Variants in AGAP1 observed in about 807,000 individuals in gnomAD.
AGAP1 encodes the protein arf-GAP with GTPase, ANK repeat and PH domain-containing protein 1.
AGAP1 carries 29 observed loss-of-function variants against 105.3 expected under a neutral mutation model. That is an observed-to-expected ratio of 0.28 (90% CI 0.21 to 0.38). The LOEUF (loss-of-function observed/expected upper bound fraction) is 0.38, where lower values mean the gene tolerates loss of function less well. Ranked by LOEUF, AGAP1 falls within the 10% of genes least tolerant of loss-of-function variation. The pLI is 1.00. For synonymous variants in AGAP1, 509 were observed against 485.9 expected (o/e 1.05, Z -0.63); for missense variants, 998 against 1,165.1 (o/e 0.86, Z 2.09).
intron 9 of AGAP1, among the ~76,000 whole-genome samples, chr2:235,823,986 A>G (rs909784535): frequency 6.6e-5 from 10 of 152,214 alleles, no homozygotes; most frequent in African/African-American, 2.2e-4. Context: ...AGAGGCAAAG[A>G]TAAGATTCAA....
chr2:235,686,609 G>A (rs1240917353), intron 1 of AGAP1, among the ~76,000 whole-genome samples: 1 of 89,678 alleles, frequency 1.1e-5, no homozygotes, highest in Non-Finnish European at 2.1e-5. Context: ...ATATATATAC[G>A]TGGAGATATA....
Position 235,607,498 on chromosome 2 carries a change from AGGAGCCCGTTGGCCTGGGT to A in AGAP1, c.164-101660_164-101642del, listed in dbSNP as rs984413935. The stretch of plus-strand genomic sequence containing the variant: ...TGTTCTGACTTCAGGCGGCCTTGCC[AGGAGCCCGTTGGCCTGGGT>A]GGAGCCCGTTGGCCTGGGTGTCCAC... On this transcript the variant is annotated intron_variant, in intron 1 of 17. Coordinates refer to ENST00000304032, the MANE Select transcript of AGAP1 (RefSeq NM_001037131.3). 1.1e-4 allele frequency among the ~76,000 whole-genome samples: 16 copies of A among 152,374 alleles called. 1 individual carries two copies. The highest frequency in any genetic ancestry group is 2.6e-4 in the Admixed American group (4 of 15,306).
At chr2:235,985,812 C>G (rs558712387) in intron 13 of AGAP1, among the ~76,000 whole-genome samples, 293 of 152,246 alleles carry the variant, frequency 1.9e-3, no homozygotes, top group African/African-American at 6.9e-3. Context: ...GGTCTCTGTT[C>G]TGCTCCATTG....
At chr2:235,679,745 C>G (rs868076259) in intron 1 of AGAP1, among the ~76,000 whole-genome samples, 2 of 152,196 alleles carry the variant, frequency 1.3e-5, no homozygotes, top group Admixed American at 6.5e-5. Context: ...GAGAGCATTG[C>G]CTGGAAAGCA....
At chr2:236,098,870 G>A (rs1031967553) in intron 16 of AGAP1, among the ~76,000 whole-genome samples, 30 of 151,560 alleles carry the variant, frequency 2.0e-4, no homozygotes, top group Admixed American at 4.6e-4. Context: ...TGATCTTGCC[G>A]TCTTAGCCTC....
At position 235,891,744 on chromosome 2, in the gene AGAP1, A is replaced by G. The variant is rs1042710720; in HGVS notation, c.1155+8295A>G. Among the ~76,000 whole-genome samples, 3 of 152,122 alleles carry G rather than the reference A, an allele frequency of 2.0e-5. No individual in the cohort carries two copies. Among genetic ancestry groups the G allele is most frequent in the Non-Finnish European group, 4.4e-5 (3 of 68,018 alleles). On this transcript the variant is annotated intron_variant, in intron 10 of 17. Coordinates refer to ENST00000304032, the MANE Select transcript of AGAP1 (RefSeq NM_001037131.3). The surrounding 1 kb of genome is among the most constrained non-coding windows in gnomAD (Gnocchi z 4.2). ...AAGGTGCCCCTGTCTAGGAAAGCTC[A>G]CCAGTGTTCCGGTCCTGGCTCTCTG...
chr2:236,110,911 C>G (rs2059623000), intron 16 of AGAP1, among the ~76,000 whole-genome samples: 1 of 152,184 alleles, frequency 6.6e-6, no homozygotes, highest in African/African-American at 2.4e-5. Flanking sequence ...GAGGCACCGG[C>G]AGATTCGGTG....
intron 1 of AGAP1, among the ~76,000 whole-genome samples, chr2:235,683,262 C>T (rs1259475142): frequency 6.6e-6 from 1 of 152,076 alleles, no homozygotes; most frequent in Non-Finnish European, 1.5e-5. Flanking sequence ...GCTGAGATCG[C>T]ACCACTGCAC....
At position 235,662,520 on chromosome 2, in the gene AGAP1, T is replaced by G. The variant is rs1947993566; in HGVS notation, c.164-46659T>G. ...TCTGCCTTCATGGAAGTTGGTGATTTTTTTTTTTTTTTTTTTGGCTCTGTT... is the reference window on the plus strand; with the variant it reads ...TCTGCCTTCATGGAAGTTGGTGATTGTTTTTTTTTTTTTTTTGGCTCTGTT... On this transcript the variant is annotated intron_variant, in intron 1 of 17. Coordinates refer to ENST00000304032, the MANE Select transcript of AGAP1 (RefSeq NM_001037131.3). The surrounding 1 kb of genome is among the most constrained non-coding windows in gnomAD (Gnocchi z 4.2). Among the ~76,000 whole-genome samples, 1 of 126,730 alleles carries G rather than the reference T, an allele frequency of 7.9e-6. No individual in the cohort carries two copies. The highest frequency in any genetic ancestry group is 7.2e-5 in the Admixed American group (1 of 13,832). The allele number at this position is 126,730 out of a possible 152,430, so 83.1% of individuals were successfully genotyped here.
intron 16 of AGAP1, among the ~76,000 whole-genome samples, chr2:236,059,636 C>T (rs527572813): frequency 5.9e-5 from 9 of 152,190 alleles, no homozygotes; most frequent in Non-Finnish European, 1.2e-4. Flanking sequence ...GTCAATGAAG[C>T]GGAATCGAGA....
rs113809876 is a variant in AGAP1, at chr2:235,816,124, A to G, written c.1050+8793A>G. ...TTTCTCCCAGGTATAAAAGATAGCT[A>G]TATACTCACTTCATTACTGAAAGAA... On this transcript the variant is annotated intron_variant, in intron 9 of 17. Transcript: ENST00000304032. Among the ~76,000 whole-genome samples the G allele has an allele frequency of 3.3e-5, 5 of 152,326 alleles. No individual in the cohort carries two copies. The South Asian group carries it at 8.3e-4, about 25-fold the overall frequency.
intron 9 of AGAP1, among the ~76,000 whole-genome samples, chr2:235,816,299 G>A (rs1013197049): frequency 1.3e-5 from 2 of 152,064 alleles, no homozygotes; most frequent in South Asian, 4.2e-4. Context: ...TTAGCCAGGC[G>A]TGGTGGCGGG....
Position 235,596,774 on chromosome 2 carries a change from C to A in AGAP1, c.163+101925C>A, listed in dbSNP as rs1262788241. 6.6e-6 allele frequency among the ~76,000 whole-genome samples: 1 copy of A among 152,192 alleles called. No individual in the cohort carries two copies. Among genetic ancestry groups the A allele is most frequent in the African/African-American group, 2.4e-5 (1 of 41,444 alleles). ...AGAAAAGCAATGATGTTTCCCAAGG[C>A]CGGGGCTGTCGACTGAATTGTGTCC... On this transcript the variant is annotated intron_variant, in intron 1 of 17. Transcript: ENST00000304032. The surrounding 1 kb of genome is among the most constrained non-coding windows in gnomAD (Gnocchi z 5.9).
At position 235,538,109 on chromosome 2, in the gene AGAP1, C is replaced by G. The variant is rs373910666; in HGVS notation, c.163+43260C>G. On this transcript the variant is annotated intron_variant, in intron 1 of 17. Coordinates refer to ENST00000304032, the MANE Select transcript of AGAP1 (RefSeq NM_001037131.3). Reference sequence around the variant, plus strand: ...GTTCTCCCAGGATAAATTCAGAGAACCACTATGAAGTCTAATCCATACTGT... The same window carrying G: ...GTTCTCCCAGGATAAATTCAGAGAAGCACTATGAAGTCTAATCCATACTGT... Among the ~76,000 whole-genome samples the G allele has an allele frequency of 5.9e-5, 9 of 152,218 alleles. No homozygotes were observed. The East Asian group carries it at 9.7e-4, about 16-fold the overall frequency.
chr2:235,996,973 G>T, intron 13 of AGAP1, among the ~76,000 whole-genome samples: 1 of 152,312 alleles, frequency 6.6e-6, no homozygotes, highest in East Asian at 1.9e-4. Flanking sequence ...CTGAATGTAT[G>T]TATCATTGAG....
chr2:235,821,439 A>T (rs1208782461), intron 9 of AGAP1, among the ~76,000 whole-genome samples: 1 of 146,340 alleles, frequency 6.8e-6, no homozygotes, highest in African/African-American at 2.6e-5. Context: ...GCTGGAGTGC[A>T]GTGGTGCGAT....
chr2:235,946,422 G>A (rs868628671), intron 12 of AGAP1, among the ~76,000 whole-genome samples: 66 of 151,728 alleles, frequency 4.3e-4, no homozygotes, highest in African/African-American at 1.6e-3. Flanking sequence ...CACCTGCCTC[G>A]GCCTCCCAAA....
chr2:235,755,992 A>G (rs1472651380), intron 6 of AGAP1, among the ~76,000 whole-genome samples: 2 of 152,230 alleles, frequency 1.3e-5, no homozygotes, highest in African/African-American at 4.8e-5. Context: ...GTCATGTTCA[A>G]GGTGGTAGCA....
At chr2:235,696,716 G>C (rs972872334) in intron 1 of AGAP1, among the ~76,000 whole-genome samples, 2 of 152,162 alleles carry the variant, frequency 1.3e-5, no homozygotes, top group Non-Finnish European at 2.9e-5. Context: ...ATGTGCTGCA[G>C]ACTTATCTGT....
Sources: gnomAD v4.1 joint callset for allele counts (sites outside exome capture counted in the v4.1 genomes callset) on GRCh38, gnomAD v4.1.1 for gene constraint, Gnocchi (gnomAD v3.1) non-coding constraint, MANE v1.5 for transcripts, NCBI Gene and HGNC (gene_info 2026-07-23, HGNC 2026-07-21) for gene names.